Variants in VAT1L observed in about 807,000 individuals in gnomAD.
VAT1L encodes the protein vesicle amine transport 1 like, also known as putative NADPH-dependent quinone oxidoreductase VAT1L.
Under a neutral mutation model 44.1 loss-of-function variants are expected in VAT1L, and 34 were observed. The observed-to-expected ratio is 0.77, with a 90% CI of 0.59 to 1.03. VAT1L has a LOEUF of 1.03. Ranked by LOEUF, VAT1L falls within the 50% of genes least tolerant of loss-of-function variation. The pLI is 0.00. For synonymous variants in VAT1L, 253 were observed against 202.2 expected (o/e 1.25, Z -2.13); for missense variants, 615 against 538.8 (o/e 1.14, Z -1.40).
intron 4 of VAT1L, among the ~76,000 whole-genome samples, chr16:77,872,840 T>C (rs2017046539): frequency 6.6e-6 from 1 of 152,232 alleles, no homozygotes; most frequent in South Asian, 2.1e-4. Flanking sequence ...TATTCACAAC[T>C]CAGCATGCAC....
intron 3 of VAT1L, among the ~76,000 whole-genome samples, chr16:77,852,055 G>A (rs927079921): frequency 3.3e-5 from 5 of 152,066 alleles, no homozygotes; most frequent in African/African-American, 4.8e-5. Flanking sequence ...TTCTGAAAGC[G>A]GGGATCTCCC....
intron 2 of VAT1L, among the ~76,000 whole-genome samples, chr16:77,821,783 CAG>C (rs781043012): frequency 1.3e-4 from 19 of 151,836 alleles, no homozygotes; most frequent in Non-Finnish European, 2.6e-4. Flanking sequence ...TCTCAATAAA[CAG>C]AGATACTGAC....
chr16:77,964,131 C>T (rs2018194552), intron 7 of VAT1L, among the ~76,000 whole-genome samples: 1 of 152,058 alleles, frequency 6.6e-6, no homozygotes, highest in Non-Finnish European at 1.5e-5. Context: ...AGCATATGTT[C>T]CCCCTCTCCC....
In VAT1L at chr16:77,978,562, G is replaced by A. The variant is rs147238744; in HGVS notation, c.*867G>A. 6.6e-6 allele frequency: 1 copy of A among 152,180 alleles called. No homozygotes were observed. Among genetic ancestry groups the A allele is most frequent in the Non-Finnish European group, 1.5e-5 (1 of 68,048 alleles). The allele number at this position is 152,180 out of a possible 1,614,324, so 9.4% of individuals were successfully genotyped here. On this transcript the variant is annotated 3_prime_UTR_variant, in exon 9 of 9. Transcript: ENST00000302536. ...ACCAATTCTGTAAATTTCAATTCCT[G>A]GTGGAAAGTGACCACTTTGACCATG...
At chr16:77,865,163 C>T (rs955031831) in intron 4 of VAT1L, among the ~76,000 whole-genome samples, 9 of 151,682 alleles carry the variant, frequency 5.9e-5, no homozygotes, top group East Asian at 1.9e-4. Flanking sequence ...TTAGTAGAGA[C>T]GGGGTTTCAC....
At position 77,788,920 on chromosome 16, in the gene VAT1L, A is replaced by G. The variant is rs778510550; in HGVS notation, c.233+5A>G. ...CAAGATCCGCGTCAAAGCCTGGTCC[A>G]GTATCCGCGCCTTTCTCGCTTTCTC... On this transcript the variant is annotated splice_donor_5th_base_variant and intron_variant, in intron 1 of 8. Coordinates refer to ENST00000302536, the MANE Select transcript of VAT1L (RefSeq NM_020927.3). 8.7e-6 allele frequency: 13 copies of G among 1,488,400 alleles called. No homozygotes were observed. Among genetic ancestry groups the G allele is most frequent in the South Asian group, 4.0e-5 (3 of 74,160 alleles). The allele number at this position is 1,488,400 out of a possible 1,614,324, so 92.2% of individuals were successfully genotyped here.
intron 1 of VAT1L, among the ~76,000 whole-genome samples, chr16:77,808,572 C>T (rs149398386): frequency 1.1e-3 from 165 of 152,092 alleles, no homozygotes; most frequent in African/African-American, 3.9e-3. Flanking sequence ...TGTCATCGTA[C>T]AGTGATCAGT....
chr16:77,973,588 G>A (rs1436564910), intron 8 of VAT1L, among the ~76,000 whole-genome samples: 1 of 149,674 alleles, frequency 6.7e-6, no homozygotes, highest in Non-Finnish European at 1.5e-5. Context: ...TGGCCCCCAG[G>A]TTATCTTTAA....
chr16:77,977,387 A>G (rs570605388), intron 8 of VAT1L, among the ~76,000 whole-genome samples: 2 of 152,234 alleles, frequency 1.3e-5, no homozygotes, highest in East Asian at 3.9e-4. Flanking sequence ...ATCATCTCCT[A>G]AATTCCAGAT....
chr16:77,946,052 G>A (rs887087513), intron 7 of VAT1L, among the ~76,000 whole-genome samples: 4 of 151,592 alleles, frequency 2.6e-5, no homozygotes, highest in East Asian at 3.9e-4. Flanking sequence ...TGCCCGTCTC[G>A]GCCTCCCAAA....
intron 4 of VAT1L, among the ~76,000 whole-genome samples, chr16:77,867,560 C>G (rs928233598): frequency 6.6e-6 from 1 of 151,926 alleles, no homozygotes; most frequent in Admixed American, 6.6e-5. Flanking sequence ...TATCATGAGT[C>G]AAAAATATAT....
intron 7 of VAT1L, among the ~76,000 whole-genome samples, chr16:77,912,159 G>C (rs2017505755): frequency 6.6e-6 from 1 of 152,166 alleles, no homozygotes; most frequent in Non-Finnish European, 1.5e-5. Context: ...TCAAGCCTGA[G>C]TTAAAGTCCT....
At chr16:77,943,682 G>T (rs929272788) in intron 7 of VAT1L, among the ~76,000 whole-genome samples, 2 of 151,956 alleles carry the variant, frequency 1.3e-5, no homozygotes, top group Non-Finnish European at 2.9e-5. Flanking sequence ...GATTACAGGT[G>T]TGAGTCACTG....
At chr16:77,956,498 T>C (rs948677765) in intron 7 of VAT1L, among the ~76,000 whole-genome samples, 5 of 152,218 alleles carry the variant, frequency 3.3e-5, no homozygotes, top group Non-Finnish European at 5.9e-5. Context: ...GCCGCAATGA[T>C]CATGAGCAAC....
Position 77,874,127 on chromosome 16 carries a change from C to T in VAT1L, c.723-2243C>T, listed in dbSNP as rs1190319482. Reference sequence around the variant, plus strand: ...CAGAGGACAAAAATTCAAGGCTGGGCGGACCCATCATGGGTACAGCAGGAG... The same window carrying T: ...CAGAGGACAAAAATTCAAGGCTGGGTGGACCCATCATGGGTACAGCAGGAG... On this transcript the variant is annotated intron_variant, in intron 4 of 8. Coordinates refer to ENST00000302536, the MANE Select transcript of VAT1L (RefSeq NM_020927.3). 4.6e-5 allele frequency among the ~76,000 whole-genome samples: 7 copies of T among 152,114 alleles called. No homozygotes were observed. In the East Asian group the frequency reaches 5.8e-4, roughly 13 times the overall value.
chr16:77,836,455 A>G (rs10445056), intron 3 of VAT1L, among the ~76,000 whole-genome samples: 37,091 of 152,198 alleles, frequency 0.24, 4,808 homozygotes, highest in East Asian at 0.38. Flanking sequence ...GATTAACTGC[A>G]TCTGCACATC....
intron 8 of VAT1L, among the ~76,000 whole-genome samples, chr16:77,972,968 G>C (rs2018296545): frequency 6.6e-6 from 1 of 151,900 alleles, no homozygotes; most frequent in Admixed American, 6.6e-5. Context: ...TTATAGGCGT[G>C]AGCTACCACA....
At chr16:77,877,914 A>G (rs2017106871) in intron 5 of VAT1L, among the ~76,000 whole-genome samples, 1 of 152,220 alleles carries the variant, frequency 6.6e-6, no homozygotes, top group Non-Finnish European at 1.5e-5. Context: ...GTGGTTTATT[A>G]TTATCAGTGA....
intron 3 of VAT1L, among the ~76,000 whole-genome samples, chr16:77,829,254 A>C (rs192665600): frequency 6.6e-6 from 1 of 152,298 alleles, no homozygotes; most frequent in Admixed American, 6.5e-5. Flanking sequence ...GCCCAGGTAC[A>C]TATTTGCTAA....
Sources: gnomAD v4.1 joint callset for allele counts (sites outside exome capture counted in the v4.1 genomes callset) on GRCh38, gnomAD v4.1.1 for gene constraint, MANE v1.5 for transcripts, NCBI Gene and HGNC (gene_info 2026-07-23, HGNC 2026-07-21) for gene names.